UTP20: variants seen among roughly 807,000 people sequenced by gnomAD.
The protein encoded by UTP20 is UTP20 small subunit processome component, also known as small subunit processome component 20 homolog.
A neutral mutation model predicts 329.5 loss-of-function variants in UTP20; 164 were observed. The observed-to-expected ratio is 0.50, with a 90% CI of 0.44 to 0.57. The LOEUF is 0.57. Ranked by LOEUF, UTP20 falls within the 20% of genes least tolerant of loss-of-function variation. The probability of loss-of-function intolerance (pLI) is 0.00; values close to 1 mark genes in which losing one functional copy is unlikely to be tolerated. For synonymous variants in UTP20, 1,151 were observed against 1,159.3 expected, an observed-to-expected ratio of 0.99 and a Z score of 0.14; for missense variants, 3,055 against 3,284.2, an observed-to-expected ratio of 0.93 and a Z score of 1.71.
intron 35 of UTP20, among the ~76,000 whole-genome samples, chr12:101,343,387 G>A (rs1385855463): frequency 1.3e-5 from 2 of 152,332 alleles, no homozygotes; most frequent in South Asian, 2.1e-4. Flanking sequence ...ACTAAAGGCT[G>A]CAGAAAGGGA....
intron 25 of UTP20, among the ~76,000 whole-genome samples, 199 bp downstream of exon 25, chr12:101,321,828 T>TC (rs1160997081): frequency 4.0e-5 from 6 of 151,472 alleles, no homozygotes; most frequent in African/African-American, 2.4e-5. Context: ...CATTGCAGCC[T>TC]AGACCTCCCA....
At chr12:101,312,468 A>G (rs1872826920) in intron 21 of UTP20, among the ~76,000 whole-genome samples, 192 bp downstream of exon 21, 2 of 152,152 alleles carry the variant, frequency 1.3e-5, no homozygotes, top group Admixed American at 1.3e-4. Flanking sequence ...GTTTTTAGAC[A>G]GAGTTTTGCT....
chr12:101,338,898 A>G lies in UTP20; in HGVS notation c.3954A>G (p.Glu1318=). 6.2e-7 allele frequency: 1 copy of G among 1,611,924 alleles called. No homozygotes were observed. Among genetic ancestry groups the G allele is most frequent in the Non-Finnish European group, 8.5e-7 (1 of 1,179,528 alleles). ...QYLSKTTISA[E]KVKKKKNRAQ... is the part of the protein sequence containing the mutation. The stretch of plus-strand genomic sequence containing the variant: ...TCAGCAAAACCACAATAAGCGCAGA[A>G]AAGGTGAAAAAGAAAAAGAATAGAG... Residue 1318 remains glutamate, a synonymous_variant, in exon 31 of 62, where the codon GAA becomes GAG. Transcript: ENST00000261637.
intron 35 of UTP20, among the ~76,000 whole-genome samples, chr12:101,344,186 A>G (rs1869244585): frequency 6.6e-6 from 1 of 152,114 alleles, no homozygotes; most frequent in East Asian, 1.9e-4. Flanking sequence ...GGCTGAGTCA[A>G]GGATACCTTC....
At chr12:101,366,429 G>A in intron 46 of UTP20, 129 bp from the exon 47 acceptor site, 1 of 1,155,122 alleles carries the variant, frequency 8.7e-7, no homozygotes, top group South Asian at 1.6e-5. Flanking sequence ...GGTTTGGGGA[G>A]GGGCAAAACC....
Position 101,356,550 on chromosome 12 carries a change from A to G in UTP20, c.5395-4A>G. 1 of 1,602,284 alleles carries G rather than the reference A, an allele frequency of 6.2e-7. No homozygotes were observed. Among genetic ancestry groups the G allele is most frequent in the East Asian group, 2.2e-5 (1 of 44,714 alleles). ...TTTTAGCTTAACCTAAATTTTTCTTACAGACTAAAAGGGAAGAAGAACACA... is the reference window on the plus strand; with the variant it reads ...TTTTAGCTTAACCTAAATTTTTCTTGCAGACTAAAAGGGAAGAAGAACACA... On this transcript the variant is annotated splice_polypyrimidine_tract_variant and splice_region_variant and intron_variant, in intron 41 of 61. Transcript: ENST00000261637.
chr12:101,322,205 G>A (rs1202622244), intron 25 of UTP20, among the ~76,000 whole-genome samples: 4 of 152,150 alleles, frequency 2.6e-5, no homozygotes, highest in African/African-American at 7.2e-5. Context: ...GGCCAGGCTG[G>A]TCTTGAACTC....
Position 101,370,692 on chromosome 12 carries a change from G to C in UTP20, c.6687+129G>C, listed in dbSNP as rs901359369. On this transcript the variant is annotated intron_variant, in intron 50 of 61. Coordinates refer to ENST00000261637, the MANE Select transcript of UTP20 (RefSeq NM_014503.3). Reference sequence around the variant, plus strand: ...TTGAGTAATTTGTAAAGATTATTATGATTTTGGTGGGTCAATTACAGGTGA... The same window carrying C: ...TTGAGTAATTTGTAAAGATTATTATCATTTTGGTGGGTCAATTACAGGTGA... The C allele has an allele frequency of 1.1e-5, 11 of 1,026,734 alleles. No homozygotes were observed. In the Admixed American group the frequency reaches 2.9e-4, roughly 27 times the overall value. The allele number at this position is 1,026,734 out of a possible 1,614,324, so 63.6% of individuals were successfully genotyped here.
intron 57 of UTP20, 82 bp downstream of exon 57, chr12:101,379,640 C>T: frequency 2.1e-6 from 3 of 1,442,098 alleles, no homozygotes; most frequent in East Asian, 2.3e-5. Flanking sequence ...TCGGGCCAGC[C>T]CTTGGGAGAA....
chr12:101,302,703 C>T (rs1439938713), intron 15 of UTP20, 150 bp downstream of exon 15: 2 of 554,714 alleles, frequency 3.6e-6, no homozygotes, highest in South Asian at 2.6e-5. Flanking sequence ...TTTAGATCCT[C>T]CAGTTAAAAT....
intron 11 of UTP20, among the ~76,000 whole-genome samples, chr12:101,294,504 A>G (rs1272243191): frequency 6.8e-6 from 1 of 147,734 alleles, no homozygotes; most frequent in African/African-American, 2.5e-5. Context: ...GGAGTATTTT[A>G]TGATTATATG....
In UTP20 at chr12:101,285,624, A is replaced by G. The variant is rs753446896; in HGVS notation, c.181A>G (p.Thr61Ala). The G allele has an allele frequency of 8.7e-6, 14 of 1,613,754 alleles. No homozygotes were observed. The highest frequency in any genetic ancestry group is 1.2e-5 in the Non-Finnish European group (14 of 1,179,862). The change falls in exon 3 of 62, where the codon ACA (threonine) becomes GCA (alanine). Residue 61 changes from threonine (T) to alanine (A), a missense_variant. This residue lies in a region of UTP20 where 2,445 missense variants were observed against 2,575.5 expected (regional missense o/e 0.95). Coordinates refer to ENST00000261637, the MANE Select transcript of UTP20 (RefSeq NM_014503.3). ...GCTGAAATGGAGAGAATTAAACCTCACAGAACACTTCGGTATTTTCTATTT... is the reference window on the plus strand; with the variant it reads ...GCTGAAATGGAGAGAATTAAACCTCGCAGAACACTTCGGTATTTTCTATTT... The part of the protein sequence containing the change: ...GLLKWRELNL[T>A]EHFGKFYKEV...
chr12:101,386,283 C>A lies in UTP20; in HGVS notation c.*160C>A. 1.7e-6 allele frequency: 1 copy of A among 594,234 alleles called. No individual in the cohort carries two copies. The highest frequency in any genetic ancestry group is 2.8e-6 in the Non-Finnish European group (1 of 358,352). 36.8% of individuals were successfully genotyped at this position (594,234 alleles called of 1,614,324 possible). ...GGAGTGCAGTGACGACATCACAGCT[C>A]ACTGCAGCCTCAACCTGGGTTCAAG... On this transcript the variant is annotated 3_prime_UTR_variant, in exon 62 of 62. Coordinates refer to ENST00000261637, the MANE Select transcript of UTP20 (RefSeq NM_014503.3).
chr12:101,366,731 C>G (rs891182826), intron 47 of UTP20, 32 bp downstream of exon 47: 10 of 1,601,902 alleles, frequency 6.2e-6, no homozygotes, highest in Non-Finnish European at 7.7e-6. Flanking sequence ...AGACTTGCTA[C>G]TTTCAGGGAG....
chr12:101,364,857 G>A (rs764909902), intron 45 of UTP20, among the ~76,000 whole-genome samples: 1 of 152,132 alleles, frequency 6.6e-6, no homozygotes, highest in African/African-American at 2.4e-5. Context: ...TATCCGTGAT[G>A]TATATTAAAA....
Position 101,285,893 on chromosome 12 carries a change from C to G in UTP20, c.326+12C>G, listed in dbSNP as rs762404239. The stretch of plus-strand genomic sequence containing the variant: ...CAACCCCTTTTGGAGTAAGTAGCAT[C>G]TTGAGAGAAAGCTCACAACTATATT... On this transcript the variant is annotated intron_variant, in intron 4 of 61. Coordinates refer to ENST00000261637, the MANE Select transcript of UTP20 (RefSeq NM_014503.3). The G allele has an allele frequency of 6.2e-7, 1 of 1,611,468 alleles. No individual in the cohort carries two copies. Among genetic ancestry groups the G allele is most frequent in the East Asian group, 2.2e-5 (1 of 44,808 alleles).
At chr12:101,297,596 GT>G (rs1872398100) in intron 12 of UTP20, among the ~76,000 whole-genome samples, 1 of 152,178 alleles carries the variant, frequency 6.6e-6, no homozygotes, top group African/African-American at 2.4e-5. Context: ...AATCTTGTTG[GT>G]TTTTAAATGT....
Position 101,365,639 on chromosome 12 carries a change from AAAAC to A in UTP20, c.6125+19_6125+22del, listed in dbSNP as rs1259570948. 3 of 1,549,802 alleles carry A rather than the reference AAAAC, an allele frequency of 1.9e-6. No homozygotes were observed. Among genetic ancestry groups the A allele is most frequent in the Non-Finnish European group, 2.6e-6 (3 of 1,153,508 alleles). On this transcript the variant is annotated intron_variant, in intron 46 of 61. Coordinates refer to ENST00000261637, the MANE Select transcript of UTP20 (RefSeq NM_014503.3). Reference sequence around the variant, plus strand: ...AGAGAAAGAAAAGTAAGTTGGAAAAAAAACAAACTGTCATTTAGGTCTCTGCGTC... The same window carrying A: ...AGAGAAAGAAAAGTAAGTTGGAAAAAAAACTGTCATTTAGGTCTCTGCGTC...
chr12:101,293,155 A>G lies in UTP20; in HGVS notation c.1174-13A>G, dbSNP rs760875185. 6.8e-6 allele frequency: 11 copies of G among 1,612,426 alleles called. No homozygotes were observed. In the African/African-American group the frequency reaches 8.0e-5, roughly 12 times the overall value. On this transcript the variant is annotated splice_polypyrimidine_tract_variant and intron_variant, in intron 10 of 61. Transcript: ENST00000261637. ...CTGTGTACTTACATTAATATTTTTT[A>G]CCTTGGTCACAGATATTTGAGAGCA... is the stretch of plus-strand genomic sequence containing the variant.
Sources: allele counts gnomAD v4.1 joint callset (sites outside exome capture counted in the v4.1 genomes callset), GRCh38; gene constraint gnomAD v4.1.1; regional missense constraint gnomAD v4.1.1; transcripts MANE v1.5; gene names NCBI Gene and HGNC (gene_info 2026-07-23, HGNC 2026-07-21).